The following FAM135B variants were observed in gnomAD, a reference collection of about 807,000 sequenced individuals.
The protein encoded by FAM135B is protein FAM135B.
Under a neutral mutation model 127.7 loss-of-function variants are expected in FAM135B, and 43 were observed. The observed-to-expected ratio is 0.34, with a 90% CI of 0.26 to 0.43. The LOEUF is 0.43. Ranked by LOEUF, FAM135B falls within the 20% of genes least tolerant of loss-of-function variation. The probability of loss-of-function intolerance (pLI) is 1.00; values close to 1 mark genes in which losing one functional copy is unlikely to be tolerated. For synonymous variants in FAM135B, 670 were observed against 665.1 expected (o/e 1.01, Z -0.11); for missense variants, 1,558 against 1,725.6 (o/e 0.90, Z 1.72).
At chr8:138,374,929 T>C (rs1831366865) in intron 1 of FAM135B, among the ~76,000 whole-genome samples, 1 of 152,020 alleles carries the variant, frequency 6.6e-6, no homozygotes, top group African/African-American at 2.4e-5. Context: ...GGTAAACCAG[T>C]TTTTCCCAAC....
At chr8:138,190,328 G>C (rs1235986230) in intron 9 of FAM135B, among the ~76,000 whole-genome samples, 1 of 152,188 alleles carries the variant, frequency 6.6e-6, no homozygotes, top group Non-Finnish European at 1.5e-5. Context: ...GTCAGGCCAT[G>C]ATAGGAATGG....
intron 8 of FAM135B, among the ~76,000 whole-genome samples, chr8:138,195,958 AAC>A (rs1816591371): frequency 6.6e-6 from 1 of 152,210 alleles, no homozygotes; most frequent in African/African-American, 2.4e-5. Flanking sequence ...GCTGAGTGGA[AAC>A]AATCCCTTAG....
At chr8:138,164,710 C>T (rs979256812) in intron 12 of FAM135B, among the ~76,000 whole-genome samples, 4 of 152,184 alleles carry the variant, frequency 2.6e-5, no homozygotes, top group Admixed American at 6.5e-5. Flanking sequence ...AACCAGAGTT[C>T]ATCTTATGTA....
chr8:138,312,555 C>G (rs1416595869), intron 2 of FAM135B, among the ~76,000 whole-genome samples: 1 of 152,236 alleles, frequency 6.6e-6, no homozygotes, highest in East Asian at 1.9e-4. Flanking sequence ...CAAAAAAAAG[C>G]CCTCTCCCTC....
At chr8:138,347,818 A>C (rs1435517797) in intron 2 of FAM135B, among the ~76,000 whole-genome samples, 2 of 152,166 alleles carry the variant, frequency 1.3e-5, no homozygotes, top group Admixed American at 1.3e-4. Context: ...GCCTCAGACC[A>C]GCAGGGTTAC....
intron 1 of FAM135B, among the ~76,000 whole-genome samples, chr8:138,465,521 A>G (rs770842847): frequency 2.1e-4 from 32 of 152,168 alleles, no homozygotes; most frequent in Admixed American, 6.5e-4. Flanking sequence ...GTGCCCATGC[A>G]TGCTTTCTCA....
chr8:138,448,786 CAG>C (rs1491136170), intron 1 of FAM135B, among the ~76,000 whole-genome samples: 11 of 145,602 alleles, frequency 7.6e-5, no homozygotes, highest in South Asian at 2.2e-4. Context: ...AAACCTAACA[CAG>C]GGGGAAAAAA....
At chr8:138,429,429 G>A (rs534635358) in intron 1 of FAM135B, among the ~76,000 whole-genome samples, 2 of 152,234 alleles carry the variant, frequency 1.3e-5, no homozygotes, top group Admixed American at 6.5e-5. Flanking sequence ...AATGTGGGAC[G>A]TGTCTGAATC....
At chr8:138,476,289 A>G (rs1341511619) in intron 1 of FAM135B, among the ~76,000 whole-genome samples, 1 of 152,214 alleles carries the variant, frequency 6.6e-6, no homozygotes, top group Non-Finnish European at 1.5e-5. Flanking sequence ...TTGTGGAAAC[A>G]TATCATTAAA....
chr8:138,178,411 G>T, intron 10 of FAM135B, 124 bp downstream of exon 10: 1 of 1,112,316 alleles, frequency 9.0e-7, no homozygotes, highest in Non-Finnish European at 1.3e-6. Flanking sequence ...GCACGGTCAT[G>T]GTAGAGACAC....
chr8:138,157,698 T>C (rs1006367719), intron 12 of FAM135B, among the ~76,000 whole-genome samples: 1 of 152,182 alleles, frequency 6.6e-6, no homozygotes, highest in Non-Finnish European at 1.5e-5. Flanking sequence ...CCATTCACAA[T>C]TGCTTCAAAG....
At chr8:138,319,338 C>A (rs2130935527) in intron 2 of FAM135B, among the ~76,000 whole-genome samples, 1 of 152,314 alleles carries the variant, frequency 6.6e-6, no homozygotes, top group Non-Finnish European at 1.5e-5. Context: ...AACTCCTGAC[C>A]TCAGGTGATC....
rs568472528 is a variant in FAM135B at position 138,179,160 on chromosome 8, C to T, written c.874-470G>A. Among the ~76,000 whole-genome samples, 25 of 152,244 alleles carry T rather than the reference C, an allele frequency of 1.6e-4. No individual in the cohort carries two copies. In the South Asian group the frequency reaches 5.0e-3, roughly 30 times the overall value. ...CCATCACCACAAAACTCAATTCACC[C>T]TACTTTTCAATGCCCAGAGCCAACA... On this transcript the variant is annotated intron_variant, in intron 9 of 19. Coordinates refer to ENST00000395297, the MANE Select transcript of FAM135B (RefSeq NM_015912.4).
chr8:138,389,781 C>T (rs1032273890), intron 1 of FAM135B, among the ~76,000 whole-genome samples: 7 of 152,106 alleles, frequency 4.6e-5, no homozygotes, highest in African/African-American at 1.7e-4. Flanking sequence ...GCTACTGAAT[C>T]GTTCACTTTA....
At chr8:138,369,983 G>T (rs1831011375) in intron 1 of FAM135B, among the ~76,000 whole-genome samples, 1 of 152,164 alleles carries the variant, frequency 6.6e-6, no homozygotes, top group Non-Finnish European at 1.5e-5. Flanking sequence ...CAGGAACAAT[G>T]CACCCCAAGA....
intron 1 of FAM135B, among the ~76,000 whole-genome samples, chr8:138,449,994 G>A (rs1300557250): frequency 6.6e-6 from 1 of 152,156 alleles, no homozygotes; most frequent in African/African-American, 2.4e-5. Context: ...TAGTTTCACT[G>A]CCCTAAAAAT....
intron 2 of FAM135B, among the ~76,000 whole-genome samples, chr8:138,335,569 T>G (rs1828514632): frequency 6.6e-6 from 1 of 152,166 alleles, no homozygotes; most frequent in Non-Finnish European, 1.5e-5. Context: ...ATCCTAAATA[T>G]ATATGCACCC....
intron 2 of FAM135B, among the ~76,000 whole-genome samples, chr8:138,319,663 G>T (rs540200755): frequency 1.2e-3 from 181 of 152,230 alleles, no homozygotes; most frequent in African/African-American, 4.2e-3. Flanking sequence ...ATCCTTTATT[G>T]ATTTCCCTCT....
In FAM135B at chr8:138,454,128, A is replaced by G. The variant is rs117284946; in HGVS notation, c.-20+42543T>C. ...AGGTAAAAATGAAGGTAATTGCACA[A>G]AAACTCCTTTTAAGTCCACTGCTTT... On this transcript the variant is annotated intron_variant, in intron 1 of 19. Coordinates refer to ENST00000395297, the MANE Select transcript of FAM135B (RefSeq NM_015912.4). 1.2e-3 allele frequency among the ~76,000 whole-genome samples: 186 copies of G among 152,264 alleles called. 5 individuals are homozygous for G. The East Asian group carries it at 0.021, about 17-fold the overall frequency.
Sources: allele counts gnomAD v4.1 joint callset (sites outside exome capture counted in the v4.1 genomes callset), GRCh38; gene constraint gnomAD v4.1.1; transcripts MANE v1.5; gene names NCBI Gene and HGNC (gene_info 2026-07-23, HGNC 2026-07-21).